UBE2G2: variants seen among roughly 807,000 people sequenced by gnomAD.
UBE2G2 encodes the protein ubiquitin-conjugating enzyme E2 G2.
Under a neutral mutation model 23.0 loss-of-function variants are expected in UBE2G2, and 10 were observed. The observed-to-expected ratio is 0.43, with a 90% CI of 0.27 to 0.74. The LOEUF (loss-of-function observed/expected upper bound fraction) is 0.74. UBE2G2 is among the 30% of genes least tolerant of loss of function. The pLI, the probability that UBE2G2 is intolerant of heterozygous loss-of-function variation, is 0.19. For synonymous variants in UBE2G2, 86 were observed against 81.3 expected (o/e 1.06, Z -0.31); for missense variants, 150 against 218.3 (o/e 0.69, Z 1.97).
chr21:44,785,720 G>C (rs965735102), intron 3 of UBE2G2: 13 of 152,186 alleles, frequency 8.5e-5, no homozygotes, highest in Middle Eastern at 3.2e-3. Flanking sequence ...GAGACAAATC[G>C]ATGGGAGGAC....
At chr21:44,773,709 A>T in intron 4 of UBE2G2, 22 bp from the exon 5 acceptor site, 2 of 1,608,344 alleles carry the variant, frequency 1.2e-6, no homozygotes, top group Non-Finnish European at 1.7e-6. Flanking sequence ...AGAGGCAGCC[A>T]AGTGAGCCCA....
At chr21:44,781,019 G>A (rs1461957738) in intron 3 of UBE2G2, among the ~76,000 whole-genome samples, 6 of 152,200 alleles carry the variant, frequency 3.9e-5, no homozygotes, top group African/African-American at 9.6e-5. Flanking sequence ...TCAGCTGCAC[G>A]CAGGTGTTGG....
At chr21:44,792,037 G>C (rs549144967) in intron 1 of UBE2G2, among the ~76,000 whole-genome samples, 2 of 152,328 alleles carry the variant, frequency 1.3e-5, no homozygotes, top group Non-Finnish European at 2.9e-5. Flanking sequence ...GGGGCCTGTA[G>C]CCCTTTGTTT....
intron 1 of UBE2G2, among the ~76,000 whole-genome samples, chr21:44,792,935 G>A (rs2083056799): frequency 6.6e-6 from 1 of 152,236 alleles, no homozygotes; most frequent in South Asian, 2.1e-4. Context: ...CATTTCAGGG[G>A]TGGGTGGGAA....
intron 3 of UBE2G2, among the ~76,000 whole-genome samples, chr21:44,780,867 T>C (rs561601972): frequency 1.3e-5 from 2 of 152,356 alleles, no homozygotes; most frequent in South Asian, 2.1e-4. Flanking sequence ...TGTTCTTCTT[T>C]GCATTGCCTT....
intron 3 of UBE2G2, among the ~76,000 whole-genome samples, chr21:44,781,659 T>C (rs2082957870): frequency 6.6e-6 from 1 of 152,190 alleles, no homozygotes; most frequent in Non-Finnish European, 1.5e-5. Context: ...TCCACCAGGA[T>C]GACATATTTG....
intron 3 of UBE2G2, among the ~76,000 whole-genome samples, chr21:44,781,810 G>A (rs1287115324): frequency 6.6e-6 from 1 of 152,152 alleles, no homozygotes; most frequent in Non-Finnish European, 1.5e-5. Flanking sequence ...GGAAGAAAAG[G>A]GGGAACATTT....
chr21:44,778,378 G>A (rs369671366), intron 3 of UBE2G2, among the ~76,000 whole-genome samples: 22 of 152,348 alleles, frequency 1.4e-4, no homozygotes, highest in South Asian at 1.2e-3. Flanking sequence ...GCAACTCCCC[G>A]TCATGGGCAC....
chr21:44,773,499 G>A (rs782378974), intron 5 of UBE2G2, 48 bp downstream of exon 5: 3 of 1,578,058 alleles, frequency 1.9e-6, no homozygotes, highest in Admixed American at 1.7e-5. Context: ...GAGAACACCT[G>A]CAGCCTGGGT....
rs2082854722 is a variant in UBE2G2, at chr21:44,769,438, T to G, written c.*1939A>C. 2 of 145,554 alleles carry G rather than the reference T, an allele frequency of 1.4e-5. No homozygotes were observed. Among genetic ancestry groups the G allele is most frequent in the African/African-American group, 5.3e-5 (2 of 38,010 alleles). 9.0% of individuals were successfully genotyped at this position (145,554 alleles called of 1,614,324 possible). A position where few individuals can be genotyped will look rare whatever the true frequency, so the allele number is the denominator to read the frequency against. ...CTCTGTTGCCCAGGCTGGAGTGCAG[T>G]GGCGTGATCTCAGCTCACTGCAAGC... On this transcript the variant is annotated 3_prime_UTR_variant, in exon 6 of 6. Transcript: ENST00000345496.
At chr21:44,792,678 G>A (rs911487645) in intron 1 of UBE2G2, among the ~76,000 whole-genome samples, 3 of 152,126 alleles carry the variant, frequency 2.0e-5, no homozygotes, top group Non-Finnish European at 2.9e-5. Flanking sequence ...CTAATGTACC[G>A]ATTAACCGTT....
At chr21:44,796,175 C>G (rs996320269) in intron 1 of UBE2G2, among the ~76,000 whole-genome samples, 1 of 152,242 alleles carries the variant, frequency 6.6e-6, no homozygotes, top group African/African-American at 2.4e-5. Flanking sequence ...TGAATGAAGA[C>G]AGAACATCAA....
At chr21:44,787,686 A>G (rs991680836) in intron 3 of UBE2G2, among the ~76,000 whole-genome samples, 6 of 152,252 alleles carry the variant, frequency 3.9e-5, no homozygotes, top group South Asian at 4.1e-4. Flanking sequence ...TAATACATAT[A>G]TTACATAATT....
At chr21:44,801,431 A>AAC in intron 1 of UBE2G2, 1 of 1,233,164 alleles carries the variant, frequency 8.1e-7, no homozygotes, top group Non-Finnish European at 1.0e-6. Flanking sequence ...AAGAGAAAAA[A>AAC]ACAAGCCCGC....
At chr21:44,780,856 T>C (rs1212614784) in intron 3 of UBE2G2, among the ~76,000 whole-genome samples, 3 of 152,172 alleles carry the variant, frequency 2.0e-5, no homozygotes, top group African/African-American at 7.2e-5. Flanking sequence ...AAGGGAGAGA[T>C]TGTTCTTCTT....
chr21:44,787,299 T>A (rs1555962215), intron 3 of UBE2G2, among the ~76,000 whole-genome samples: 1 of 152,068 alleles, frequency 6.6e-6, no homozygotes, highest in African/African-American at 2.4e-5. Context: ...TGTTTCTCTT[T>A]CCAAGCAACG....
At chr21:44,778,829 C>T (rs1555960928) in intron 3 of UBE2G2, among the ~76,000 whole-genome samples, 1 of 152,182 alleles carries the variant, frequency 6.6e-6, no homozygotes, top group African/African-American at 2.4e-5. Context: ...GCTCCTCTAA[C>T]AACAAAGGCT....
At chr21:44,773,220 G>A (rs551402994) in intron 5 of UBE2G2, among the ~76,000 whole-genome samples, 3 of 152,244 alleles carry the variant, frequency 2.0e-5, no homozygotes, top group South Asian at 2.1e-4. Flanking sequence ...ACAAAGAGTT[G>A]GGGTCTTTGT....
At chr21:44,794,595 C>T (rs1355516773) in intron 1 of UBE2G2, among the ~76,000 whole-genome samples, 99 of 147,826 alleles carry the variant, frequency 6.7e-4, no homozygotes, top group South Asian at 2.1e-4. Context: ...AGTGCAGTGG[C>T]GTGATCTCGG....
Sources: allele counts gnomAD v4.1 joint callset (sites outside exome capture counted in the v4.1 genomes callset), GRCh38; gene constraint gnomAD v4.1.1; transcripts MANE v1.5; gene names NCBI Gene and HGNC (gene_info 2026-07-23, HGNC 2026-07-21).